LZTFL1: variants seen among roughly 807,000 people sequenced by gnomAD.
The protein encoded by LZTFL1 is leucine zipper transcription factor like 1.
A neutral mutation model predicts 45.9 loss-of-function variants in LZTFL1; 25 were observed. The ratio of observed to expected loss-of-function variants is 0.54; its 90% CI spans 0.40 to 0.76. The LOEUF (loss-of-function observed/expected upper bound fraction) is 0.76. LZTFL1 is among the 30% of genes least tolerant of loss of function. LZTFL1 has a pLI of 0.00. For synonymous variants in LZTFL1, 93 were observed against 117.4 expected (o/e 0.79, Z 1.35); for missense variants, 277 against 331.1 (o/e 0.84, Z 1.27).
chr3:45,881,297 A>T (rs1701855150), intron 2 of LZTFL1, among the ~76,000 whole-genome samples: 1 of 152,156 alleles, frequency 6.6e-6, no homozygotes, highest in African/African-American at 2.4e-5. Context: ...CCAGTGCTAC[A>T]TGCATCACTA....
chr3:45,872,353 T>G (rs946094822), intron 2 of LZTFL1, among the ~76,000 whole-genome samples: 1 of 152,144 alleles, frequency 6.6e-6, no homozygotes, highest in Non-Finnish European at 1.5e-5. Flanking sequence ...AAATAGTGTT[T>G]TAAAAGATTG....
At chr3:45,851,125 G>A (rs768391822) in intron 4 of LZTFL1, among the ~76,000 whole-genome samples, 7 of 152,050 alleles carry the variant, frequency 4.6e-5, no homozygotes, top group Non-Finnish European at 8.8e-5. Context: ...TTTTGAACTC[G>A]GAAATGCTTC....
chr3:45,850,990 C>T (rs1701298334), intron 4 of LZTFL1, among the ~76,000 whole-genome samples: 1 of 152,196 alleles, frequency 6.6e-6, no homozygotes, highest in East Asian at 1.9e-4. Flanking sequence ...ACATGACCCA[C>T]ATAGCACCCC....
chr3:45,830,223 A>G (rs770803372), intron 7 of LZTFL1, among the ~76,000 whole-genome samples: 5 of 152,252 alleles, frequency 3.3e-5, no homozygotes, highest in African/African-American at 1.2e-4. Flanking sequence ...AGAAAAGCCA[A>G]TGCTGTACTG....
At chr3:45,879,146 C>T (rs774967992) in intron 2 of LZTFL1, among the ~76,000 whole-genome samples, 18 of 152,314 alleles carry the variant, frequency 1.2e-4, no homozygotes, top group Admixed American at 7.2e-4. Flanking sequence ...ATCTAGCAAT[C>T]GTGCTTCTCA....
chr3:45,870,383 G>T (rs1361833805), intron 2 of LZTFL1, among the ~76,000 whole-genome samples: 1 of 152,210 alleles, frequency 6.6e-6, no homozygotes, highest in Non-Finnish European at 1.5e-5. Context: ...CTTGCATGTG[G>T]TTCAGACATC....
intron 2 of LZTFL1, among the ~76,000 whole-genome samples, chr3:45,865,241 T>C (rs1452528583): frequency 6.6e-6 from 1 of 152,234 alleles, no homozygotes; most frequent in Non-Finnish European, 1.5e-5. Flanking sequence ...GAGACCTGCC[T>C]CTTTCAGAGG....
intron 9 of LZTFL1, 121 bp from the exon 10 acceptor site, chr3:45,826,453 T>G: frequency 2.4e-6 from 2 of 819,526 alleles, no homozygotes; most frequent in Non-Finnish European, 4.1e-6. Context: ...CGGTAGAAGT[T>G]GGACACATTC....
chr3:45,900,785 A>G lies in LZTFL1; in HGVS notation c.-215+12335T>C. ...ACCTTCAAAATATTTTCCTTGACCT[A>G]ATGCCATCTTGTGTCCCCTTGCAGA... On this transcript the variant is annotated intron_variant, in intron 2 of 4. Transcript: ENST00000472635. This position sits in a 1 kb window ranked among gnomAD's most constrained non-coding sequence, Gnocchi z 4.7. 1 of 1,590,306 alleles carries G rather than the reference A, an allele frequency of 6.3e-7. No homozygotes were observed. The highest frequency in any genetic ancestry group is 2.2e-5 in the East Asian group (1 of 44,612).
At chr3:45,856,238 TA>T (rs1701391949) in intron 3 of LZTFL1, among the ~76,000 whole-genome samples, 2 of 152,250 alleles carry the variant, frequency 1.3e-5, no homozygotes, top group South Asian at 4.1e-4. Context: ...ACTGCACATA[TA>T]CAACCATCTG....
chr3:45,870,029 C>T (rs551607804), intron 2 of LZTFL1, among the ~76,000 whole-genome samples: 183 of 152,332 alleles, frequency 1.2e-3, no homozygotes, highest in African/African-American at 3.9e-3. Flanking sequence ...CCTCATTAAA[C>T]GAGGGGTATA....
At chr3:45,861,485 C>T (rs1701490519) in intron 2 of LZTFL1, among the ~76,000 whole-genome samples, 2 of 151,998 alleles carry the variant, frequency 1.3e-5, no homozygotes, top group South Asian at 2.1e-4. Flanking sequence ...CCATTTTCTA[C>T]AGCTTTAATG....
At chr3:45,869,517 C>A (rs1339551634) in intron 2 of LZTFL1, among the ~76,000 whole-genome samples, 1 of 152,156 alleles carries the variant, frequency 6.6e-6, no homozygotes, top group Non-Finnish European at 1.5e-5. Flanking sequence ...CCTCCCTAGC[C>A]TGGGATGGGA....
upstream of LZTFL1, chr3:45,842,266 G>A: frequency 9.2e-7 from 1 of 1,086,206 alleles, no homozygotes; most frequent in South Asian, 1.7e-5. Context: ...TTTTGTGCCA[G>A]TTCACTTTTG....
chr3:45,836,419 C>A (rs1452665615), intron 2 of LZTFL1, among the ~76,000 whole-genome samples: 1 of 152,178 alleles, frequency 6.6e-6, no homozygotes, highest in African/African-American at 2.4e-5. Flanking sequence ...CTTTGGGAGG[C>A]AGAGGCAGGT....
rs1702653532 is a variant in LZTFL1, at chr3:45,905,047, G to A, written c.-215+8073C>T. Among the ~76,000 whole-genome samples, 2 of 152,140 alleles carry A rather than the reference G, an allele frequency of 1.3e-5. 1 individual carries two copies. Among genetic ancestry groups the A allele is most frequent in the South Asian group, 4.1e-4 (2 of 4,834 alleles). ...TGAGGTCTGTTCAGGGGCTCCCCGT[G>A]ACTTTGAAAAAAGAGAAGTAATCAT... On this transcript the variant is annotated intron_variant, in intron 2 of 4. Coordinates refer to the LZTFL1 transcript ENST00000472635.
chr3:45,866,547 G>T (rs191192532), intron 2 of LZTFL1, among the ~76,000 whole-genome samples: 1 of 152,274 alleles, frequency 6.6e-6, no homozygotes, highest in East Asian at 1.9e-4. Flanking sequence ...ACTAAGTTTG[G>T]ATCAATAAAT....
At chr3:45,841,845 C>A in intron 1 of LZTFL1, 144 bp downstream of exon 1, 1 of 1,100,084 alleles carries the variant, frequency 9.1e-7, no homozygotes. Flanking sequence ...TCGCGCCCGG[C>A]GCAGCTCCCC....
In LZTFL1 at chr3:45,825,171, C is replaced by T. The variant is rs957820939; in HGVS notation, c.*1143G>A. On this transcript the variant is annotated 3_prime_UTR_variant, in exon 10 of 10. Coordinates refer to ENST00000296135, the MANE Select transcript of LZTFL1 (RefSeq NM_020347.4). ...TTCATTTGTGGAAATGGAATGATGT[C>T]TCTTAGTAGACAGTGTTCATTTAGG... The T allele has an allele frequency of 3.1e-6, 1 of 326,350 alleles. No homozygotes were observed. Among genetic ancestry groups the T allele is most frequent in the East Asian group, 4.6e-5 (1 of 21,718 alleles). The allele number at this position is 326,350 out of a possible 1,614,324, so 20.2% of individuals were successfully genotyped here.
Sources: allele counts gnomAD v4.1 joint callset (sites outside exome capture counted in the v4.1 genomes callset), GRCh38; gene constraint gnomAD v4.1.1; non-coding constraint Gnocchi (gnomAD v3.1); transcripts MANE v1.5; gene names NCBI Gene and HGNC (gene_info 2026-07-23, HGNC 2026-07-21).